Variants in MYL10 observed in about 807,000 individuals in gnomAD.
MYL10 encodes the protein myosin regulatory light chain 10.
Under a neutral mutation model 21.9 loss-of-function variants are expected in MYL10, and 18 were observed. That is an observed-to-expected ratio of 0.82 (90% CI 0.57 to 1.22). MYL10 has a LOEUF of 1.22. Ranked by LOEUF, MYL10 falls within the 50% of genes most tolerant of loss-of-function variation. The pLI, the probability that MYL10 is intolerant of heterozygous loss-of-function variation, is 0.00. For missense variants in MYL10, 225 were observed against 230.4 expected, an observed-to-expected ratio of 0.98 and a Z score of 0.15; for synonymous variants, 88 against 82.8, an observed-to-expected ratio of 1.06 and a Z score of -0.34.
rs1796606483 is a variant in MYL10 at position 101,616,120 on chromosome 7, C to T, written c.533+100G>A. 4 of 971,006 alleles carry T rather than the reference C, an allele frequency of 4.1e-6. No individual in the cohort carries two copies. In the South Asian group the frequency reaches 4.4e-5, roughly 11 times the overall value. 60.1% of individuals were successfully genotyped at this position (971,006 alleles called of 1,614,324 possible). On this transcript the variant is annotated intron_variant, in intron 6 of 7. Coordinates refer to ENST00000223167, the MANE Select transcript of MYL10 (RefSeq NM_138403.5). ...GGGCTGGGCAGCGGCCCCCCAGCTC[C>T]TGGCTTCTGGGAGAGGAGACTGGGC... is the stretch of plus-strand genomic sequence containing the variant.
intron 6 of MYL10, among the ~76,000 whole-genome samples, chr7:101,615,512 C>G (rs1796598428): frequency 6.7e-6 from 1 of 149,786 alleles, no homozygotes; most frequent in Non-Finnish European, 1.5e-5. Flanking sequence ...CCCGCACCCT[C>G]CAGCTGCAGC....
chr7:101,623,170 C>T (rs1168315458), intron 3 of MYL10, 98 bp from the exon 4 acceptor site: 12 of 1,104,858 alleles, frequency 1.1e-5, no homozygotes, highest in East Asian at 7.7e-5. Flanking sequence ...CAAGGAGCCT[C>T]GGGGCAGGTC....
intron 1 of MYL10, among the ~76,000 whole-genome samples, chr7:101,625,351 G>A (rs116107345): frequency 0.013 from 2,035 of 152,338 alleles, 39 homozygotes; most frequent in African/African-American, 0.045. Flanking sequence ...CCCAGAATGG[G>A]CTCTCGATGG....
intron 1 of MYL10, among the ~76,000 whole-genome samples, chr7:101,627,058 G>A (rs142376789): frequency 1.6e-3 from 239 of 151,930 alleles, no homozygotes; most frequent in Non-Finnish European, 2.4e-3. Flanking sequence ...CTGGGAGGCC[G>A]AAGCGGGTGA....
chr7:101,620,408 G>A (rs1347415872), intron 5 of MYL10, among the ~76,000 whole-genome samples: 1 of 152,164 alleles, frequency 6.6e-6, no homozygotes, highest in Non-Finnish European at 1.5e-5. Context: ...AGGCTGAGAT[G>A]GGAGAGGTAG....
In MYL10 at chr7:101,613,725, G is replaced by C. The variant is rs773454818; in HGVS notation, c.534-15C>G. The C allele has an allele frequency of 6.2e-7, 1 of 1,613,862 alleles. No homozygotes were observed. The highest frequency in any genetic ancestry group is 8.5e-7 in the Non-Finnish European group (1 of 1,179,854). Reference sequence around the variant, plus strand: ...TTTCTTTGATGCTGTTCAAGGGAGAGACACAGTCATGTTCAGGGAACGGGA... The same window carrying C: ...TTTCTTTGATGCTGTTCAAGGGAGACACACAGTCATGTTCAGGGAACGGGA... On this transcript the variant is annotated splice_polypyrimidine_tract_variant and intron_variant, in intron 6 of 7. Coordinates refer to ENST00000223167, the MANE Select transcript of MYL10 (RefSeq NM_138403.5).
intron 5 of MYL10, among the ~76,000 whole-genome samples, chr7:101,619,598 G>A (rs914486044): frequency 6.6e-6 from 1 of 152,164 alleles, no homozygotes; most frequent in African/African-American, 2.4e-5. Context: ...AAAAAGAGAC[G>A]TCCACCAGAG....
chr7:101,620,744 A>C lies in MYL10; in HGVS notation c.454+1352T>G, dbSNP rs188875830. Among the ~76,000 whole-genome samples, 58 of 149,124 alleles carry C rather than the reference A, an allele frequency of 3.9e-4. 1 individual carries two copies. The highest frequency in any genetic ancestry group is 1.3e-3 in the African/African-American group (52 of 40,500). ...TGAGGGTGCAGAGCTGACAGTGCTC[A>C]CTTCCCAGGGACCACTGCCTGGGCT... is the stretch of plus-strand genomic sequence containing the variant. On this transcript the variant is annotated intron_variant, in intron 5 of 7. Coordinates refer to ENST00000223167, the MANE Select transcript of MYL10 (RefSeq NM_138403.5).
intron 1 of MYL10, among the ~76,000 whole-genome samples, chr7:101,625,805 A>G (rs781660161): frequency 6.6e-6 from 1 of 152,026 alleles, no homozygotes; most frequent in Non-Finnish European, 1.5e-5. Context: ...TTACATATAC[A>G]TTTCCTCCGA....
At chr7:101,628,531 T>C (rs1389273821) in intron 1 of MYL10, among the ~76,000 whole-genome samples, 1 of 152,188 alleles carries the variant, frequency 6.6e-6, no homozygotes, top group East Asian at 1.9e-4. Context: ...CATTCCACCC[T>C]GGCCTCACAC....
intron 6 of MYL10, among the ~76,000 whole-genome samples, chr7:101,613,958 AC>A (rs936712729): frequency 2.0e-4 from 31 of 152,224 alleles, no homozygotes; most frequent in African/African-American, 7.0e-4. Flanking sequence ...TGGGGACCCC[AC>A]CATGAGGGCT....
At chr7:101,621,012 C>G (rs1796671260) in intron 5 of MYL10, among the ~76,000 whole-genome samples, 1 of 152,032 alleles carries the variant, frequency 6.6e-6, no homozygotes, top group Non-Finnish European at 1.5e-5. Context: ...TGGTCTTGAC[C>G]TCCTGACCTC....
At chr7:101,621,469 A>AC (rs1354998433) in intron 5 of MYL10, among the ~76,000 whole-genome samples, 1 of 151,748 alleles carries the variant, frequency 6.6e-6, no homozygotes, top group Non-Finnish European at 1.5e-5. Flanking sequence ...CTCTGCCTAT[A>AC]CCCCCAGCCC....
chr7:101,613,760 T>G, intron 6 of MYL10, 50 bp from the exon 7 acceptor site: 1 of 1,584,418 alleles, frequency 6.3e-7, no homozygotes. Context: ...ATACCCAGCT[T>G]GAACATGCAG....
chr7:101,624,745 C>T (rs1796725023), intron 1 of MYL10, among the ~76,000 whole-genome samples: 1 of 152,176 alleles, frequency 6.6e-6, no homozygotes, highest in South Asian at 2.1e-4. Context: ...TCACCCAGGC[C>T]CTCTACTCTG....
At chr7:101,628,522 A>G (rs1008754629) in intron 1 of MYL10, among the ~76,000 whole-genome samples, 1 of 152,176 alleles carries the variant, frequency 6.6e-6, no homozygotes, top group Non-Finnish European at 1.5e-5. Context: ...TGAGACCTCC[A>G]TTCCACCCTG....
At chr7:101,616,382 G>T in intron 5 of MYL10, 84 bp from the exon 6 acceptor site, 3 of 1,123,594 alleles carry the variant, frequency 2.7e-6, no homozygotes, top group Non-Finnish European at 4.0e-6. Context: ...CAGGGGCTGG[G>T]GCTGGGGGCA....
chr7:101,623,973 G>A lies in MYL10; in HGVS notation c.220C>T (p.His74Tyr). ...RLERNGMISA[H>Y]CNLCLTGSSN... ...GAACCCGTGAGGCAGAGGTTGCAGT[G>A]AGCCGAGATCATGCCATTGCGCTCC... Residue 74 changes from histidine to tyrosine, a missense_variant, in exon 3 of 8, where the codon CAC (histidine) becomes TAC (tyrosine). His to Tyr is a moderately conservative substitution (Grantham distance 83). Transcript: ENST00000223167. 1 of 513,830 alleles carries A rather than the reference G, an allele frequency of 1.9e-6. No individual in the cohort carries two copies. Among genetic ancestry groups the A allele is most frequent in the Non-Finnish European group, 3.5e-6 (1 of 288,714 alleles). 31.8% of individuals were successfully genotyped at this position (513,830 alleles called of 1,614,324 possible).
chr7:101,613,613 G>C lies in MYL10; in HGVS notation c.583-40C>G, dbSNP rs112680296. On this transcript the variant is annotated intron_variant, in intron 7 of 7. Coordinates refer to ENST00000223167, the MANE Select transcript of MYL10 (RefSeq NM_138403.5). ...AGAGTCAGCCTGCACCAGGCCAAGT[G>C]GGGGCCAGAGCAGAGAATCCGCCGT... 5 of 1,613,272 alleles carry C rather than the reference G, an allele frequency of 3.1e-6. No homozygotes were observed. In the East Asian group the frequency reaches 8.9e-5, roughly 29 times the overall value.
Sources: gnomAD v4.1 joint callset for allele counts (sites outside exome capture counted in the v4.1 genomes callset) on GRCh38, gnomAD v4.1.1 for gene constraint, MANE v1.5 for transcripts, NCBI Gene and HGNC (gene_info 2026-07-23, HGNC 2026-07-21) for gene names.